UBE3B: variants seen among roughly 807,000 people sequenced by gnomAD.
UBE3B encodes the protein ubiquitin protein ligase E3B, also known as ubiquitin-protein ligase E3B.
A neutral mutation model predicts 132.3 loss-of-function variants in UBE3B; 80 were observed. That is an observed-to-expected ratio of 0.60 (90% confidence interval 0.50 to 0.73). The LOEUF (loss-of-function observed/expected upper bound fraction) is 0.73, where lower values mean the gene tolerates loss of function less well. Ranked by LOEUF, UBE3B falls within the 30% of genes least tolerant of loss-of-function variation. UBE3B has a pLI of 0.00. For missense variants in UBE3B, 1,196 were observed against 1,362.5 expected (o/e 0.88, Z 1.92); for synonymous variants, 487 against 520.4 (o/e 0.94, Z 0.87).
chr12:109,529,709 T>C (rs1381057731), intron 24 of UBE3B, among the ~76,000 whole-genome samples, 181 bp from the exon 25 acceptor site: 2 of 152,148 alleles, frequency 1.3e-5, no homozygotes, highest in African/African-American at 4.8e-5. Flanking sequence ...TGGCGTATGG[T>C]GTGCAGTTCG....
In UBE3B at chr12:109,503,140, A is replaced by G; in HGVS notation, c.1400A>G (p.Tyr467Cys). ...VQKVCNICVLYQTSLTTLTQI... is the reference protein window; with the variant it reads ...VQKVCNICVLCQTSLTTLTQI... Reference sequence around the variant, plus strand: ...AAGGTTTGCAACATCTGTGTCCTCTACCAGACCTCGCTGACAACTCTCACA... The same window carrying G: ...AAGGTTTGCAACATCTGTGTCCTCTGCCAGACCTCGCTGACAACTCTCACA... Residue 467 changes from tyrosine (Y) to cysteine (C), a missense_variant, in exon 14 of 28, where the codon TAC becomes TGC. Transcript: ENST00000342494. The G allele has an allele frequency of 6.2e-7, 1 of 1,614,222 alleles. No homozygotes were observed. Among genetic ancestry groups the G allele is most frequent in the Non-Finnish European group, 8.5e-7 (1 of 1,180,044 alleles).
chr12:109,524,554 T>C (rs932166684), intron 23 of UBE3B, 51 bp downstream of exon 23: 1 of 1,586,038 alleles, frequency 6.3e-7, no homozygotes, highest in Non-Finnish European at 8.7e-7. Context: ...CATGGGCTCC[T>C]GAGACCTGCC....
At position 109,522,424 on chromosome 12, in the gene UBE3B, G is replaced by A. The variant is rs571419691; in HGVS notation, c.2364+873G>A. Among the ~76,000 whole-genome samples the A allele has an allele frequency of 1.5e-3, 225 of 152,334 alleles. No individual in the cohort carries two copies. Among genetic ancestry groups the A allele is most frequent in the African/African-American group, 5.3e-3 (221 of 41,574 alleles). ...GTCCTGTTTCCCAGGAGGAAGGAAA[G>A]CTGCAGCACAAGCCCAGCCAGTCTG... On this transcript the variant is annotated intron_variant, in intron 21 of 27. Transcript: ENST00000342494. The surrounding 1 kb of genome is among the most constrained non-coding windows in gnomAD (Gnocchi z 4.2).
chr12:109,486,588 A>T lies in UBE3B; in HGVS notation c.447+13A>T. 1 of 1,345,648 alleles carries T rather than the reference A, an allele frequency of 7.4e-7. No homozygotes were observed. The highest frequency in any genetic ancestry group is 1.0e-6 in the Non-Finnish European group (1 of 985,178). 83.4% of individuals were successfully genotyped at this position (1,345,648 alleles called of 1,614,324 possible). ...CAAGCAGCTCAAGGTAACAAAAAAA[A>T]AAAAAAAAAAAAAAAGCAAAACCAG... On this transcript the variant is annotated intron_variant, in intron 6 of 27. Coordinates refer to ENST00000342494, the MANE Select transcript of UBE3B (RefSeq NM_130466.4).
At position 109,481,749 on chromosome 12, in the gene UBE3B, T is replaced by G. The variant is rs1238343636; in HGVS notation, c.-22+7T>G. 3 of 152,196 alleles carry G rather than the reference T, an allele frequency of 2.0e-5. No homozygotes were observed. The allele number at this position is 152,196 out of a possible 1,614,324, so 9.4% of individuals were successfully genotyped here. A position where few individuals can be genotyped will look rare whatever the true frequency, so the allele number is the denominator to read the frequency against. ...GACACAGGCAGGTCCTCAGGTGAGA[T>G]CTCCAGACTTTACTGCTGGGGCAGG... On this transcript the variant is annotated splice_region_variant and intron_variant, in intron 2 of 27. Transcript: ENST00000342494.
At chr12:109,541,484 G>A (rs1220953044), downstream of UBE3B, among the ~76,000 whole-genome samples, 2 of 152,234 alleles carry the variant, frequency 1.3e-5, no homozygotes, top group Non-Finnish European at 2.9e-5. Context: ...CATCTGTTAA[G>A]CACCTGGCAA....
In UBE3B at chr12:109,498,357, A is replaced by T. The variant is rs770466164; in HGVS notation, c.940+4A>T. ...TGCCATACGCTTTGTCTAATGGGTA[A>T]GTATCCGTGGCTGGAACTTGATTGT... On this transcript the variant is annotated splice_donor_region_variant and intron_variant, in intron 11 of 27. Coordinates refer to ENST00000342494, the MANE Select transcript of UBE3B (RefSeq NM_130466.4). 1 of 1,612,902 alleles carries T rather than the reference A, an allele frequency of 6.2e-7. No individual in the cohort carries two copies. Among genetic ancestry groups the T allele is most frequent in the South Asian group, 1.1e-5 (1 of 90,934 alleles).
chr12:109,485,317 A>G (rs763219513), intron 4 of UBE3B, among the ~76,000 whole-genome samples: 26 of 152,224 alleles, frequency 1.7e-4, no homozygotes, highest in Non-Finnish European at 3.5e-4. Context: ...TTGGGAGGAA[A>G]CAGGACGGGC....
At chr12:109,540,450 A>G (rs1004203239), downstream of UBE3B, among the ~76,000 whole-genome samples, 5 of 152,266 alleles carry the variant, frequency 3.3e-5, no homozygotes, top group Middle Eastern at 3.4e-3. Context: ...GGCTCAAGCA[A>G]TCCACCTGCC....
chr12:109,491,175 C>G, intron 9 of UBE3B, 48 bp downstream of exon 9: 1 of 1,574,154 alleles, frequency 6.4e-7, no homozygotes, highest in Non-Finnish European at 8.7e-7. Flanking sequence ...TTGAATGCTT[C>G]CTCCTCTTGG....
At chr12:109,526,948 A>G (rs1264001351) in intron 24 of UBE3B, among the ~76,000 whole-genome samples, 2 of 152,074 alleles carry the variant, frequency 1.3e-5, no homozygotes, top group Non-Finnish European at 2.9e-5. Context: ...GGTCAGAGGC[A>G]CCCAGGCCAC....
intron 26 of UBE3B, among the ~76,000 whole-genome samples, chr12:109,531,867 C>T (rs181605733): frequency 6.6e-6 from 1 of 152,232 alleles, no homozygotes; most frequent in East Asian, 1.9e-4. Flanking sequence ...CATCATTGTG[C>T]AGGTGCTGCC....
chr12:109,486,602 A>AG, intron 6 of UBE3B, 27 bp downstream of exon 6: 1 of 1,335,514 alleles, frequency 7.5e-7, no homozygotes, highest in Non-Finnish European at 1.0e-6. Flanking sequence ...AAAAAAAAAA[A>AG]AGCAAAACCA....
At chr12:109,486,381 C>A in intron 5 of UBE3B, 90 bp from the exon 6 acceptor site, 2 of 1,070,442 alleles carry the variant, frequency 1.9e-6, no homozygotes, top group African/African-American at 1.6e-5. Flanking sequence ...TGGCACTGGA[C>A]CTAACTAATA....
At chr12:109,518,632 G>T (rs972056482) in intron 19 of UBE3B, among the ~76,000 whole-genome samples, 14 of 152,194 alleles carry the variant, frequency 9.2e-5, no homozygotes, top group Non-Finnish European at 1.8e-4. Flanking sequence ...ACCCACCCAT[G>T]GGAAGAGTCT....
chr12:109,529,915 C>T lies in UBE3B; in HGVS notation c.2653C>T (p.His885Tyr). Reference sequence around the variant, plus strand: ...AATTAGCTACATCCATCTGATGGCACATTTTCGAATGCACACTCAAATAAA... The same window carrying T: ...AATTAGCTACATCCATCTGATGGCATATTTTCGAATGCACACTCAAATAAA... ...NKISYIHLMA[H>Y]FRMHTQIKNQ... Residue 885 changes from histidine to tyrosine, a missense_variant, in exon 25 of 28, where the codon CAT becomes TAT. By Grantham distance (83) the His-to-Tyr change is moderately conservative (BLOSUM62 2). Transcript: ENST00000342494. The T allele has an allele frequency of 6.2e-7, 1 of 1,614,220 alleles. No homozygotes were observed. The highest frequency in any genetic ancestry group is 8.5e-7 in the Non-Finnish European group (1 of 1,180,046).
At chr12:109,482,008 T>C (rs992039400) in intron 2 of UBE3B, among the ~76,000 whole-genome samples, 3 of 152,192 alleles carry the variant, frequency 2.0e-5, no homozygotes, top group African/African-American at 7.2e-5. Flanking sequence ...TCCCTTGATA[T>C]GTTCATGTGG....
At chr12:109,545,464 C>T in the UBE3B span, among the ~76,000 whole-genome samples, 1 of 152,330 alleles carries the variant, frequency 6.6e-6, no homozygotes, top group East Asian at 1.9e-4. Flanking sequence ...ATCCTGTGAT[C>T]AGCGTCCCTG....
chr12:109,508,585 AAG>A, intron 15 of UBE3B: 2 of 985,584 alleles, frequency 2.0e-6, no homozygotes, highest in Non-Finnish European at 2.4e-6. Context: ...TTCAGGCTGG[AAG>A]ACTTTAGCCG....
Sources: allele counts gnomAD v4.1 joint callset (sites outside exome capture counted in the v4.1 genomes callset), GRCh38; gene constraint gnomAD v4.1.1; non-coding constraint Gnocchi (gnomAD v3.1); transcripts MANE v1.5; gene names NCBI Gene and HGNC (gene_info 2026-07-23, HGNC 2026-07-21).